The following KCNIP3 variants were observed in gnomAD, a reference collection of about 807,000 sequenced individuals.
KCNIP3 encodes the protein potassium voltage-gated channel interacting protein 3, also known as calsenilin.
KCNIP3 carries 28 observed loss-of-function variants against 35.0 expected under a neutral mutation model. The observed-to-expected ratio is 0.80, with a 90% CI of 0.59 to 1.10. KCNIP3 has a LOEUF of 1.10. KCNIP3 is among the 50% of genes least tolerant of loss of function. The pLI is 0.00. For synonymous variants in KCNIP3, 134 were observed against 133.8 expected, an observed-to-expected ratio of 1.00 and a Z score of -0.01; for missense variants, 295 against 338.4, an observed-to-expected ratio of 0.87 and a Z score of 1.01.
At chr2:95,325,591 G>T (rs528216512) in intron 2 of KCNIP3, among the ~76,000 whole-genome samples, 2 of 151,632 alleles carry the variant, frequency 1.3e-5, no homozygotes, top group South Asian at 2.1e-4. Context: ...ACGCACACAC[G>T]CACTCACACA....
intron 8 of KCNIP3, among the ~76,000 whole-genome samples, chr2:95,383,690 G>A (rs1680407847): frequency 6.6e-6 from 1 of 152,188 alleles, no homozygotes; most frequent in South Asian, 2.1e-4. Flanking sequence ...GGCCTCCAGC[G>A]CCTCTATTGC....
chr2:95,360,644 G>A lies in KCNIP3; in HGVS notation c.182-13652G>A, dbSNP rs187327557. Among the ~76,000 whole-genome samples the A allele has an allele frequency of 2.9e-3, 444 of 152,320 alleles. 2 individuals carry two copies. The highest frequency in any genetic ancestry group is 5.1e-3 in the Non-Finnish European group (346 of 68,028). On this transcript the variant is annotated intron_variant, in intron 2 of 8. Transcript: ENST00000295225. ...ATAATGAACAGATATGTATTGGCTC[G>A]CAGTTCTGGAGGCTGGGAAGTCCAA...
intron 2 of KCNIP3, among the ~76,000 whole-genome samples, chr2:95,326,146 TAC>T (rs1292947552): frequency 1.3e-5 from 2 of 149,264 alleles, no homozygotes; most frequent in African/African-American, 2.5e-5. Context: ...CAGACACACA[TAC>T]ACTTATATAC....
intron 2 of KCNIP3, among the ~76,000 whole-genome samples, chr2:95,372,906 G>A (rs1304000461): frequency 5.9e-5 from 9 of 152,234 alleles, no homozygotes; most frequent in Admixed American, 2.0e-4. Flanking sequence ...TGCTCTTGTG[G>A]TTAGTGTGAG....
chr2:95,381,882 C>A (rs544972404), intron 6 of KCNIP3, among the ~76,000 whole-genome samples, 179 bp downstream of exon 6: 1 of 152,184 alleles, frequency 6.6e-6, no homozygotes, highest in Non-Finnish European at 1.5e-5. Flanking sequence ...GTCCTGGACA[C>A]CCCGGTGTGG....
At chr2:95,379,394 C>A (rs1010894915) in intron 5 of KCNIP3, among the ~76,000 whole-genome samples, 34 of 152,196 alleles carry the variant, frequency 2.2e-4, no homozygotes, top group African/African-American at 7.0e-4. Flanking sequence ...GTCATCTGAA[C>A]CTGTTGCCCG....
intron 2 of KCNIP3, among the ~76,000 whole-genome samples, chr2:95,358,386 T>C (rs1679709366): frequency 6.6e-6 from 1 of 152,194 alleles, no homozygotes; most frequent in East Asian, 1.9e-4. Flanking sequence ...ACTGAGACTT[T>C]TACACACTGG....
chr2:95,360,238 T>C (rs1334810471), intron 2 of KCNIP3, among the ~76,000 whole-genome samples: 1 of 151,794 alleles, frequency 6.6e-6, no homozygotes, highest in East Asian at 1.9e-4. Context: ...ATAAAGCCAC[T>C]GGGTGTGGAC....
intron 1 of KCNIP3, 45 bp from the exon 2 acceptor site, chr2:95,310,310 C>G (rs148380256): frequency 5.0e-5 from 81 of 1,611,946 alleles, no homozygotes; most frequent in East Asian, 4.5e-4. Context: ...AGGGGTCCCC[C>G]CTCTGAGCAG....
intron 2 of KCNIP3, among the ~76,000 whole-genome samples, chr2:95,331,865 A>G (rs928358449): frequency 6.6e-6 from 1 of 152,222 alleles, no homozygotes; most frequent in African/African-American, 2.4e-5. Flanking sequence ...ACTGGGATGC[A>G]GAGGCTGTGA....
In KCNIP3 at chr2:95,384,464, A is replaced by G. The variant is rs1164505572; in HGVS notation, c.*415A>G. ...CCGTTCTCCATTCTGCTTTCTTGCC[A>G]CACAGTGGGCCGGCCCCAGGCTCCC... On this transcript the variant is annotated 3_prime_UTR_variant, in exon 9 of 9. Coordinates refer to ENST00000295225, the MANE Select transcript of KCNIP3 (RefSeq NM_013434.5). 4.8e-6 allele frequency: 1 copy of G among 209,258 alleles called. No individual in the cohort carries two copies. Among genetic ancestry groups the G allele is most frequent in the Non-Finnish European group, 9.6e-6 (1 of 103,774 alleles). 13.0% of individuals were successfully genotyped at this position (209,258 alleles called of 1,614,324 possible).
In KCNIP3 at chr2:95,376,395, G is replaced by A. The variant is rs1347500948; in HGVS notation, c.447+1187G>A. ...GAGGCTCGGCAGAGCCCCTGCTCAT[G>A]GCAGTGCTCAGGAAGGTCACAGTCG... On this transcript the variant is annotated intron_variant, in intron 5 of 8. Coordinates refer to ENST00000295225, the MANE Select transcript of KCNIP3 (RefSeq NM_013434.5). The surrounding 1 kb of genome is among the most constrained non-coding windows in gnomAD (Gnocchi z 4.2). Among the ~76,000 whole-genome samples the A allele has an allele frequency of 2.0e-5, 3 of 152,228 alleles. No individual in the cohort carries two copies. Among genetic ancestry groups the A allele is most frequent in the Admixed American group, 2.0e-4 (3 of 15,288 alleles).
chr2:95,297,738 A>G (rs1414013743), intron 1 of KCNIP3, among the ~76,000 whole-genome samples: 1 of 151,894 alleles, frequency 6.6e-6, no homozygotes, highest in African/African-American at 2.4e-5. Context: ...AGAGGTTTAT[A>G]AGTGTTTGCG....
intron 2 of KCNIP3, among the ~76,000 whole-genome samples, chr2:95,331,433 G>A (rs1389491455): frequency 6.6e-6 from 1 of 152,136 alleles, no homozygotes; most frequent in Non-Finnish European, 1.5e-5. Flanking sequence ...TCCTAGCAGA[G>A]GCTTCAAGGA....
Position 95,305,343 on chromosome 2 carries a change from C to T in KCNIP3, c.16-5012C>T, listed in dbSNP as rs148329358. 5.7e-4 allele frequency among the ~76,000 whole-genome samples: 87 copies of T among 152,306 alleles called. 1 individual carries two copies. The highest frequency in any genetic ancestry group is 1.9e-3 in the African/African-American group (77 of 41,558). On this transcript the variant is annotated intron_variant, in intron 1 of 8. Coordinates refer to ENST00000295225, the MANE Select transcript of KCNIP3 (RefSeq NM_013434.5). ...TTTTGATGGAAATCTTTATTGAGCT[C>T]GTTGTAGATTCACATGCAGTTGCAG... is the stretch of plus-strand genomic sequence containing the variant.
intron 2 of KCNIP3, among the ~76,000 whole-genome samples, chr2:95,367,668 T>C (rs1404785230): frequency 6.6e-6 from 1 of 152,224 alleles, no homozygotes; most frequent in African/African-American, 2.4e-5. Context: ...GTTCTGTCTT[T>C]TTATTTGTGT....
At chr2:95,369,098 C>T (rs1679984449) in intron 2 of KCNIP3, among the ~76,000 whole-genome samples, 1 of 152,164 alleles carries the variant, frequency 6.6e-6, no homozygotes, top group Admixed American at 6.5e-5. Context: ...ATGATGTTAA[C>T]TATAGATTTT....
At chr2:95,316,599 C>T (rs550162449) in intron 2 of KCNIP3, among the ~76,000 whole-genome samples, 22 of 152,292 alleles carry the variant, frequency 1.4e-4, no homozygotes, top group Admixed American at 1.4e-3. Context: ...TTTCAGGCAA[C>T]AGGAAGGAGA....
intron 2 of KCNIP3, among the ~76,000 whole-genome samples, chr2:95,319,284 C>T (rs944962865): frequency 1.3e-5 from 2 of 152,192 alleles, no homozygotes; most frequent in Non-Finnish European, 2.9e-5. Context: ...TTTGGTGGCT[C>T]TGAGTGGGGA....
Sources: allele counts gnomAD v4.1 joint callset (sites outside exome capture counted in the v4.1 genomes callset), GRCh38; gene constraint gnomAD v4.1.1; non-coding constraint Gnocchi (gnomAD v3.1); transcripts MANE v1.5; gene names NCBI Gene and HGNC (gene_info 2026-07-23, HGNC 2026-07-21).